Variants in RNF6 observed in about 807,000 individuals in gnomAD.
RNF6 encodes E3 ubiquitin-protein ligase RNF6.
Under a neutral mutation model 50.1 loss-of-function variants are expected in RNF6, and 21 were observed. The observed-to-expected ratio is 0.42, with a 90% confidence interval of 0.30 to 0.60. The LOEUF (loss-of-function observed/expected upper bound fraction) is 0.60. Among genes scored for constraint, RNF6 ranks in the 20% least tolerant of loss-of-function variants. The pLI is 0.20. For missense variants in RNF6, 698 were observed against 838.2 expected, an observed-to-expected ratio of 0.83 and a Z score of 2.07; for synonymous variants, 255 against 291.8, an observed-to-expected ratio of 0.87 and a Z score of 1.29.
downstream of RNF6, among the ~76,000 whole-genome samples, chr13:26,209,000 T>C (rs184522137): frequency 1.8e-4 from 27 of 152,346 alleles, no homozygotes; most frequent in East Asian, 4.8e-3. Flanking sequence ...GTGAGGACCA[T>C]GGCTATTCCT....
At chr13:26,157,033 C>T (rs550902855) in intron 5 of RNF6, among the ~76,000 whole-genome samples, 14 of 151,998 alleles carry the variant, frequency 9.2e-5, no homozygotes, top group Non-Finnish European at 2.1e-4. Flanking sequence ...AAAAAGAATG[C>T]CTAGGGTTGG....
At chr13:26,158,881 G>A (rs1285630178) in intron 5 of RNF6, among the ~76,000 whole-genome samples, 26 of 151,984 alleles carry the variant, frequency 1.7e-4, no homozygotes, top group Admixed American at 1.7e-3. Context: ...ATTCCTATTT[G>A]AACTTCTTTT....
In RNF6 at chr13:26,137,430, G is replaced by A. The variant is rs529686098; in HGVS notation, n.769-4979C>T. 3.1e-4 allele frequency among the ~76,000 whole-genome samples: 47 copies of A among 151,976 alleles called. No individual in the cohort carries two copies. The South Asian group carries it at 5.4e-3, about 18-fold the overall frequency. On this transcript the variant is annotated intron_variant and non_coding_transcript_variant, in intron 5 of 5. Transcript: ENST00000468480. ...CACTTTTCTACAAAAAAAATTATGA[G>A]ACATGAAAAGATACAAGTAAGTATC... is the stretch of plus-strand genomic sequence containing the variant.
chr13:26,175,619 C>T (rs966305721), intron 5 of RNF6, among the ~76,000 whole-genome samples: 1 of 152,158 alleles, frequency 6.6e-6, no homozygotes, highest in Non-Finnish European at 1.5e-5. Context: ...ATTGCAGAGG[C>T]ACCGTGGTGC....
At chr13:26,169,551 G>A (rs953301685) in intron 5 of RNF6, among the ~76,000 whole-genome samples, 1 of 152,048 alleles carries the variant, frequency 6.6e-6, no homozygotes, top group South Asian at 2.1e-4. Flanking sequence ...ACTTGTAATC[G>A]TACATTTTTC....
chr13:26,136,385 A>C (rs1271610595), intron 5 of RNF6, among the ~76,000 whole-genome samples: 7 of 152,364 alleles, frequency 4.6e-5, no homozygotes, highest in African/African-American at 1.7e-4. Context: ...TGGCCTTTAG[A>C]ATGAGAGTAC....
intron 5 of RNF6, chr13:26,154,132 A>G (rs1871783408): frequency 6.6e-6 from 1 of 152,310 alleles, no homozygotes; most frequent in Non-Finnish European, 1.5e-5. Flanking sequence ...AACTGCAGGT[A>G]CAAAAATCGA....
At chr13:26,218,260 T>A (rs1870098919) in intron 4 of RNF6, among the ~76,000 whole-genome samples, 1 of 152,226 alleles carries the variant, frequency 6.6e-6, no homozygotes, top group Non-Finnish European at 1.5e-5. Context: ...ATGCTGGGAA[T>A]TAACTTAATT....
At chr13:26,142,788 G>T (rs1051049554) in intron 5 of RNF6, among the ~76,000 whole-genome samples, 8 of 152,088 alleles carry the variant, frequency 5.3e-5, no homozygotes, top group Non-Finnish European at 1.2e-4. Flanking sequence ...CACTACCTGG[G>T]TGATGGGATC....
chr13:26,217,710 T>C (rs1870038513), intron 4 of RNF6, among the ~76,000 whole-genome samples: 2 of 152,250 alleles, frequency 1.3e-5, no homozygotes, highest in Non-Finnish European at 2.9e-5. Flanking sequence ...CACCTGAATG[T>C]GGCTAGTATG....
At position 26,149,535 on chromosome 13, in the gene RNF6, C is replaced by T. The variant is rs1055965305; in HGVS notation, n.769-17084G>A. ...CCGGGAGGCGGAGCTTGCAGTGAGC[C>T]GAAATTGTGCCACTGCACTCCAGCC... On this transcript the variant is annotated intron_variant and non_coding_transcript_variant, in intron 5 of 5. Transcript: ENST00000468480. 6.0e-5 allele frequency among the ~76,000 whole-genome samples: 9 copies of T among 151,074 alleles called. 1 individual carries two copies. The highest frequency in any genetic ancestry group is 1.2e-4 in the Non-Finnish European group (8 of 67,872).
At chr13:26,158,602 A>G (rs1872057399) in intron 5 of RNF6, among the ~76,000 whole-genome samples, 1 of 152,166 alleles carries the variant, frequency 6.6e-6, no homozygotes, top group South Asian at 2.1e-4. Context: ...GACTATGCAG[A>G]TTTATATTGA....
intron 5 of RNF6, among the ~76,000 whole-genome samples, chr13:26,190,238 G>A (rs556650001): frequency 9.2e-5 from 14 of 152,200 alleles, no homozygotes; most frequent in African/African-American, 2.2e-4. Flanking sequence ...CTGAGGACAC[G>A]TGAATAGATT....
intron 5 of RNF6, among the ~76,000 whole-genome samples, chr13:26,199,816 A>C (rs1279871711): frequency 7.2e-5 from 11 of 152,212 alleles, no homozygotes; most frequent in Non-Finnish European, 1.3e-4. Context: ...TTATGGGTTA[A>C]ATGTTTGTGT....
chr13:26,134,723 A>G (rs1870561722), intron 5 of RNF6, among the ~76,000 whole-genome samples: 1 of 152,086 alleles, frequency 6.6e-6, no homozygotes, highest in Admixed American at 6.6e-5. Flanking sequence ...AGCAGGAAAA[A>G]TGGGGAAAAG....
At chr13:26,159,069 T>A (rs1872078940) in intron 5 of RNF6, among the ~76,000 whole-genome samples, 1 of 143,068 alleles carries the variant, frequency 7.0e-6, no homozygotes, top group African/African-American at 2.6e-5. Context: ...TATACTACAA[T>A]AATTAATTAT....
downstream of RNF6, among the ~76,000 whole-genome samples, chr13:26,208,410 C>T (rs965444366): frequency 6.6e-6 from 1 of 152,208 alleles, no homozygotes; most frequent in African/African-American, 2.4e-5. Flanking sequence ...CATGTAGCCA[C>T]AGTTTGATGC....
rs1199638878 is a variant in RNF6 at position 26,214,103 on chromosome 13, T to TA, written c.1778dup (p.Leu593PhefsTer4). 5.0e-6 allele frequency: 8 copies of TA among 1,613,870 alleles called. No individual in the cohort carries two copies. The highest frequency in any genetic ancestry group is 1.1e-5 in the South Asian group (1 of 91,076). On this transcript the variant is annotated frameshift_variant, in exon 5 of 5. Coordinates refer to ENST00000381588, the MANE Select transcript of RNF6 (RefSeq NM_005977.4). LOFTEE classifies it high-confidence loss of function. ...GATCATCATCATCACTTTCATTTAGTAAAAAAAAGTGAGCAAGGCGAAGAA... is the reference window on the plus strand; with the variant it reads ...GATCATCATCATCACTTTCATTTAGTAAAAAAAAAGTGAGCAAGGCGAAGAA...
intron 5 of RNF6, among the ~76,000 whole-genome samples, chr13:26,134,893 A>G (rs904763023): frequency 7.9e-5 from 12 of 152,322 alleles, no homozygotes; most frequent in African/African-American, 2.2e-4. Context: ...TATTATTTAT[A>G]TTATTTTTAA....
Sources: allele counts gnomAD v4.1 joint callset (sites outside exome capture counted in the v4.1 genomes callset), GRCh38; gene constraint gnomAD v4.1.1; transcripts MANE v1.5; gene names NCBI Gene and HGNC (gene_info 2026-07-23, HGNC 2026-07-21).